FBXW8: variants seen among roughly 807,000 people sequenced by gnomAD.
FBXW8 encodes F-box and WD repeat domain containing 8.
In FBXW8, 57 loss-of-function variants were observed where a neutral mutation model predicts 65.3. That is an observed-to-expected ratio of 0.87 (90% confidence interval 0.71 to 1.09). The LOEUF (loss-of-function observed/expected upper bound fraction) is 1.09, where lower values mean the gene tolerates loss of function less well. Among genes scored for constraint, FBXW8 ranks in the 50% least tolerant of loss-of-function variants. The probability of loss-of-function intolerance (pLI) is 0.00; values close to 1 mark genes in which losing one functional copy is unlikely to be tolerated. For synonymous variants in FBXW8, 308 were observed against 330.2 expected, an observed-to-expected ratio of 0.93 and a Z score of 0.73; for missense variants, 777 against 814.8, an observed-to-expected ratio of 0.95 and a Z score of 0.57.
chr12:116,976,357 A>G (rs531372349), intron 5 of FBXW8, among the ~76,000 whole-genome samples: 5 of 145,608 alleles, frequency 3.4e-5, no homozygotes, highest in East Asian at 2.0e-4. Flanking sequence ...TCTTCAAGCT[A>G]TTCCCCACCT....
chr12:116,961,097 G>A lies in FBXW8; in HGVS notation c.678-3600G>A, dbSNP rs1883959960. Among the ~76,000 whole-genome samples the A allele has an allele frequency of 2.0e-5, 3 of 152,182 alleles. No individual in the cohort carries two copies. The South Asian group carries it at 6.2e-4, about 31-fold the overall frequency. On this transcript the variant is annotated intron_variant, in intron 4 of 10. Transcript: ENST00000652555. This position sits in a 1 kb window ranked among gnomAD's most constrained non-coding sequence, Gnocchi z 4.4. Reference sequence around the variant, plus strand: ...CTGCAACCTCCACCTCCCAGTTCAAGCGATTCTTCTGCCTCAGCCTCCCAA... The same window carrying A: ...CTGCAACCTCCACCTCCCAGTTCAAACGATTCTTCTGCCTCAGCCTCCCAA...
At chr12:117,022,451 C>G (rs536717323) in intron 8 of FBXW8, among the ~76,000 whole-genome samples, 2 of 151,004 alleles carry the variant, frequency 1.3e-5, no homozygotes, top group Non-Finnish European at 2.9e-5. Flanking sequence ...CCCAGGAGTT[C>G]GAGACCAGCC....
At chr12:117,020,303 G>T (rs1954063731) in intron 8 of FBXW8, among the ~76,000 whole-genome samples, 1 of 152,042 alleles carries the variant, frequency 6.6e-6, no homozygotes, top group South Asian at 2.1e-4. Flanking sequence ...CTGCTTTTAG[G>T]ACCTCTTGGT....
At chr12:116,991,923 C>T (rs945883959) in intron 7 of FBXW8, among the ~76,000 whole-genome samples, 75 of 152,188 alleles carry the variant, frequency 4.9e-4, no homozygotes, top group African/African-American at 1.7e-3. Flanking sequence ...ATGTTACAGG[C>T]ACCTCAGCTG....
At chr12:117,009,775 TGAAGA>T (rs949269081) in intron 7 of FBXW8, among the ~76,000 whole-genome samples, 4 of 151,890 alleles carry the variant, frequency 2.6e-5, no homozygotes, top group Non-Finnish European at 5.9e-5. Flanking sequence ...AAGCAGAGAG[TGAAGA>T]GAAAAGTGTT....
chr12:116,936,333 CG>C lies in FBXW8; in HGVS notation c.423+8207del, dbSNP rs1882157584. 6.6e-6 allele frequency among the ~76,000 whole-genome samples: 1 copy of C among 152,208 alleles called. No individual in the cohort carries two copies. The highest frequency in any genetic ancestry group is 2.4e-5 in the African/African-American group (1 of 41,442). On this transcript the variant is annotated intron_variant, in intron 2 of 10. Coordinates refer to ENST00000652555, the MANE Select transcript of FBXW8 (RefSeq NM_153348.3). The surrounding 1 kb of genome is among the most constrained non-coding windows in gnomAD (Gnocchi z 4.6). ...AAGGTCCAAGTGGGTGGTTGTCGTA[CG>C]CTGAATAATGGCCCTCCCAAATATG...
At chr12:117,020,285 C>T (rs906909340) in intron 8 of FBXW8, among the ~76,000 whole-genome samples, 15 of 152,214 alleles carry the variant, frequency 9.9e-5, no homozygotes, top group Non-Finnish European at 2.2e-4. Flanking sequence ...ATGTCTTTTT[C>T]TCTCAGGCTG....
At position 116,928,037 on chromosome 12, in the gene FBXW8, T is replaced by C. The variant is rs147656905; in HGVS notation, c.333T>C (p.Asp111=). 1.1e-4 allele frequency: 175 copies of C among 1,599,568 alleles called. No individual in the cohort carries two copies. In the African/African-American group the frequency reaches 2.2e-3, roughly 20 times the overall value. Residue 111 remains aspartate (D), a synonymous_variant, in exon 2 of 11, where the codon GAT becomes GAC. Coordinates refer to ENST00000652555, the MANE Select transcript of FBXW8 (RefSeq NM_153348.3). ...QLIRDLNEMN[D]VPFFDIQLPY... ...TTTCCCCTCAGAATGAAATGAATGATGTGCCTTTCTTTGATATCCAACTGC... is the reference window on the plus strand; with the variant it reads ...TTTCCCCTCAGAATGAAATGAATGACGTGCCTTTCTTTGATATCCAACTGC...
chr12:117,013,899 CTTG>C (rs572938140), intron 8 of FBXW8, among the ~76,000 whole-genome samples: 139 of 150,750 alleles, frequency 9.2e-4, no homozygotes, highest in African/African-American at 2.7e-3. Context: ...GAAGTAATCA[CTTG>C]TTTTTTTTTT....
intron 5 of FBXW8, among the ~76,000 whole-genome samples, chr12:116,965,756 C>A (rs528785173): frequency 1.9e-4 from 29 of 152,204 alleles, no homozygotes; most frequent in Admixed American, 9.2e-4. Context: ...TGAGATCTTA[C>A]ATACATACCT....
rs561577059 is a variant in FBXW8 at position 117,011,068 on chromosome 12, C to T, written c.1367+618C>T. Among the ~76,000 whole-genome samples the T allele has an allele frequency of 1.4e-4, 22 of 152,050 alleles. 1 individual carries two copies. The South Asian group carries it at 4.6e-3, about 32-fold the overall frequency. On this transcript the variant is annotated intron_variant, in intron 8 of 10. Transcript: ENST00000652555. ...AAAGGATTAAAGTGTTTGAAAAGAC[C>T]CTTTGAGTCCAAATTTTAGGTTTCT...
At chr12:116,950,194 C>G (rs1272043364) in intron 4 of FBXW8, 2 of 147,196 alleles carry the variant, frequency 1.4e-5, no homozygotes, top group Non-Finnish European at 3.0e-5. Flanking sequence ...TTTTTTTTTT[C>G]TCCATGGCCA....
In FBXW8 at chr12:117,010,468, G is replaced by GCAT. The variant is rs753485447; in HGVS notation, c.1367+19_1367+21dup. On this transcript the variant is annotated intron_variant, in intron 8 of 10. Coordinates refer to ENST00000652555, the MANE Select transcript of FBXW8 (RefSeq NM_153348.3). ...GACGGGAGGTACGTGAGTTGGAAGG[G>GCAT]CATTGCCTTGCAGCCCCATGGCTTC... 19 of 1,614,008 alleles carry GCAT rather than the reference G, an allele frequency of 1.2e-5. No homozygotes were observed.
At chr12:117,016,662 T>C (rs1953955154) in intron 8 of FBXW8, among the ~76,000 whole-genome samples, 1 of 152,082 alleles carries the variant, frequency 6.6e-6, no homozygotes, top group African/African-American at 2.4e-5. Context: ...TTTTTTCCTT[T>C]TGTCATTTGT....
chr12:116,917,071 T>G (rs763287994), intron 1 of FBXW8, among the ~76,000 whole-genome samples: 9 of 152,164 alleles, frequency 5.9e-5, no homozygotes, highest in Non-Finnish European at 1.2e-4. Context: ...ATAGGTCATG[T>G]TTGTTATTCT....
At position 116,911,302 on chromosome 12, in the gene FBXW8, C is replaced by T; in HGVS notation, c.265C>T (p.Arg89Cys). The change falls in exon 1 of 11, where the codon CGC (arginine) becomes TGC (cysteine). Residue 89 changes from arginine (R) to cysteine (C), a missense_variant. Coordinates refer to ENST00000652555, the MANE Select transcript of FBXW8 (RefSeq NM_153348.3). ...VASRSRSPLA[R>C]EGAGGGEQLV... Reference sequence around the variant, plus strand: ...GAGCCGCTCACGTTCTCCTCTGGCCCGCGAGGGCGCCGGGGGCGGGGAGCA... The same window carrying T: ...GAGCCGCTCACGTTCTCCTCTGGCCTGCGAGGGCGCCGGGGGCGGGGAGCA... 1 of 1,277,894 alleles carries T rather than the reference C, an allele frequency of 7.8e-7. No homozygotes were observed. The highest frequency in any genetic ancestry group is 9.8e-7 in the Non-Finnish European group (1 of 1,015,472). The allele number at this position is 1,277,894 out of a possible 1,614,324, so 79.2% of individuals were successfully genotyped here. A position where few individuals can be genotyped will look rare whatever the true frequency, so the allele number is the denominator to read the frequency against.
At chr12:117,019,730 T>C (rs1954042947) in intron 8 of FBXW8, among the ~76,000 whole-genome samples, 1 of 151,456 alleles carries the variant, frequency 6.6e-6, no homozygotes, top group African/African-American at 2.4e-5. Flanking sequence ...AGAAAGAGAG[T>C]GTGACTGTTG....
chr12:117,015,924 A>G (rs776755109), intron 8 of FBXW8, among the ~76,000 whole-genome samples: 3 of 152,210 alleles, frequency 2.0e-5, no homozygotes, highest in African/African-American at 7.2e-5. Context: ...TATAAATGAA[A>G]TGATGTAATC....
rs1565940242 is a variant in FBXW8 at position 117,010,366 on chromosome 12, T to C, written c.1283T>C (p.Leu428Pro). 1.2e-6 allele frequency: 2 copies of C among 1,614,236 alleles called. No individual in the cohort carries two copies. Among genetic ancestry groups the C allele is most frequent in the Non-Finnish European group, 1.7e-6 (2 of 1,180,044 alleles). ...SLEAGRRLLK[L>P]GNVLRDFTCV... ...GAAGCAGGACGCCGCCTCTTGAAGC[T>C]GGGTAACGTTCTCCGTGACTTCACG... The change falls in exon 8 of 11, where the codon CTG (leucine) becomes CCG (proline). Residue 428 changes from leucine (L) to proline (P), a missense_variant. Coordinates refer to ENST00000652555, the MANE Select transcript of FBXW8 (RefSeq NM_153348.3).
Sources: allele counts gnomAD v4.1 joint callset (sites outside exome capture counted in the v4.1 genomes callset), GRCh38; gene constraint gnomAD v4.1.1; non-coding constraint Gnocchi (gnomAD v3.1); transcripts MANE v1.5; gene names NCBI Gene and HGNC (gene_info 2026-07-23, HGNC 2026-07-21).